The following TAB2 variants were observed in gnomAD, a reference collection of about 807,000 sequenced individuals.
The protein encoded by TAB2 is TGF-beta-activated kinase 1 and MAP3K7-binding protein 2.
In TAB2, 3 loss-of-function variants were observed where a neutral mutation model predicts 65.0. That is an observed-to-expected ratio of 0.05 (90% CI 0.02 to 0.12). TAB2 has a LOEUF of 0.12. TAB2 is among the 10% of genes least tolerant of loss of function. The probability of loss-of-function intolerance (pLI) is 1.00; values close to 1 mark genes in which losing one functional copy is unlikely to be tolerated. For missense variants in TAB2, 623 were observed against 840.3 expected, an observed-to-expected ratio of 0.74 and a Z score of 3.20; for synonymous variants, 298 against 285.1, an observed-to-expected ratio of 1.05 and a Z score of -0.46.
intron 1 of TAB2, among the ~76,000 whole-genome samples, chr6:149,292,669 G>A (rs1778799029): frequency 6.6e-6 from 1 of 152,030 alleles, no homozygotes; most frequent in Non-Finnish European, 1.5e-5. Flanking sequence ...TCATAAAGAT[G>A]ACATATGTCA....
intron 1 of TAB2, among the ~76,000 whole-genome samples, chr6:149,275,237 A>AGAGAAAGAAAGAAAGC (rs1491494087): frequency 1.8e-5 from 1 of 54,078 alleles, no homozygotes; most frequent in Non-Finnish European, 4.3e-5. Flanking sequence ...AGAGAGAGAG[A>AGAGAAAGAAAGAAAGC]AAGAAAGAAA....
chr6:149,357,419 G>GAAAAAAAAAAA lies in TAB2; in HGVS notation c.-89-12489_-89-12488insAAAAAAAAAAA, dbSNP rs1490716055. The stretch of plus-strand genomic sequence containing the variant: ...CAATAGAGGGAGACTCCGTCTCAAG[G>GAAAAAAAAAAA]AGAAAAAAAAAACACACACACACAC... On this transcript the variant is annotated intron_variant, in intron 1 of 6. Transcript: ENST00000637181. Among the ~76,000 whole-genome samples, 67 of 91,846 alleles carry GAAAAAAAAAAA rather than the reference G, an allele frequency of 7.3e-4. 1 individual carries two copies. Among genetic ancestry groups the GAAAAAAAAAAA allele is most frequent in the African/African-American group, 3.4e-3 (65 of 19,154 alleles). The allele number at this position is 91,846 out of a possible 152,430, so 60.3% of individuals were successfully genotyped here.
intron 1 of TAB2, among the ~76,000 whole-genome samples, chr6:149,330,114 A>G (rs1010255594): frequency 2.0e-5 from 3 of 151,678 alleles, no homozygotes; most frequent in Admixed American, 1.3e-4. Context: ...TTCACCCAGT[A>G]TAATCCCCTT....
intron 2 of TAB2, among the ~76,000 whole-genome samples, chr6:149,375,190 T>C (rs1346653890): frequency 6.6e-6 from 1 of 152,186 alleles, no homozygotes; most frequent in Non-Finnish European, 1.5e-5. Context: ...GGGGAGTAGC[T>C]GAGGCATATA....
chr6:149,398,689 A>G (rs527276714), intron 5 of TAB2, among the ~76,000 whole-genome samples: 2 of 152,188 alleles, frequency 1.3e-5, no homozygotes, highest in Non-Finnish European at 2.9e-5. Context: ...GTAAAATTTT[A>G]ACCATTCTAT....
At chr6:149,327,956 A>G (rs1252735267) in intron 1 of TAB2, among the ~76,000 whole-genome samples, 3 of 152,194 alleles carry the variant, frequency 2.0e-5, no homozygotes, top group Admixed American at 6.5e-5. Context: ...TTTTCCCCTC[A>G]TGAACATTGC....
intron 2 of TAB2, among the ~76,000 whole-genome samples, chr6:149,375,060 T>C (rs903977574): frequency 6.6e-6 from 1 of 152,238 alleles, no homozygotes; most frequent in Non-Finnish European, 1.5e-5. Context: ...AAGAATTGAT[T>C]ATTTTAAGGT....
intron 1 of TAB2, among the ~76,000 whole-genome samples, chr6:149,330,070 G>A (rs569730): frequency 0.87 from 131,651 of 151,922 alleles, 57,160 homozygotes; most frequent in Middle Eastern, 0.97. Context: ...TAAATCGTAC[G>A]TGATGTTACC....
At chr6:149,329,817 T>A (rs1394048346) in intron 1 of TAB2, among the ~76,000 whole-genome samples, 1 of 152,180 alleles carries the variant, frequency 6.6e-6, no homozygotes, top group Non-Finnish European at 1.5e-5. Context: ...AAATCTAATT[T>A]GTATTTTCCC....
At chr6:149,244,914 G>A (rs1777679455) in intron 1 of TAB2, 1 of 151,808 alleles carries the variant, frequency 6.6e-6, no homozygotes, top group African/African-American at 2.4e-5. Context: ...TATGGCAGAT[G>A]CTGCTGCCAT....
intron 1 of TAB2, among the ~76,000 whole-genome samples, chr6:149,339,601 ATTTAT>A (rs1780047542): frequency 7.9e-5 from 2 of 25,454 alleles, no homozygotes; most frequent in Non-Finnish European, 1.3e-4. Context: ...TTATTTATTT[ATTTAT>A]TTTTTTTTTT....
chr6:149,306,457 G>A (rs1160819287), intron 1 of TAB2, among the ~76,000 whole-genome samples: 1 of 150,964 alleles, frequency 6.6e-6, no homozygotes, highest in Non-Finnish European at 1.5e-5. Context: ...GGCTGAGGCA[G>A]AAGAATGGCC....
At chr6:149,301,654 T>G (rs901272563) in intron 1 of TAB2, among the ~76,000 whole-genome samples, 1 of 152,238 alleles carries the variant, frequency 6.6e-6, no homozygotes, top group Non-Finnish European at 1.5e-5. Context: ...TGTTTCATAC[T>G]ACAAGAACTG....
chr6:149,271,163 G>T (rs1352849722), intron 1 of TAB2, among the ~76,000 whole-genome samples: 1 of 151,866 alleles, frequency 6.6e-6, no homozygotes, highest in Non-Finnish European at 1.5e-5. Context: ...AGCTATGATT[G>T]CCCCACTGTA....
At chr6:149,398,938 T>G (rs978906049) in intron 5 of TAB2, among the ~76,000 whole-genome samples, 166 bp from the exon 6 acceptor site, 1 of 152,150 alleles carries the variant, frequency 6.6e-6, no homozygotes, top group Non-Finnish European at 1.5e-5. Flanking sequence ...GATAATATAT[T>G]TGAAATATGT....
chr6:149,409,548 T>G (rs756987290), intron 6 of TAB2, 29 bp from the exon 7 acceptor site: 1 of 1,602,890 alleles, frequency 6.2e-7, no homozygotes, highest in East Asian at 2.2e-5. Context: ...GATTTTTTAC[T>G]TATAAAATAA....
At chr6:149,259,580 C>T (rs990004361) in intron 1 of TAB2, among the ~76,000 whole-genome samples, 5 of 152,204 alleles carry the variant, frequency 3.3e-5, no homozygotes, top group African/African-American at 1.2e-4. Context: ...TCAGAACTGG[C>T]ATTTAGCATT....
chr6:149,249,510 G>A (rs1777814919), intron 1 of TAB2, among the ~76,000 whole-genome samples: 1 of 151,082 alleles, frequency 6.6e-6, no homozygotes, highest in Non-Finnish European at 1.5e-5. Context: ...CTCTATCTCT[G>A]TCTCTTTCTC....
chr6:149,294,285 C>T (rs1029996168), intron 1 of TAB2, among the ~76,000 whole-genome samples: 6 of 152,204 alleles, frequency 3.9e-5, no homozygotes, highest in Admixed American at 2.0e-4. Context: ...CCTTCCTTGG[C>T]TTGTAGATGG....
Sources: allele counts gnomAD v4.1 joint callset (sites outside exome capture counted in the v4.1 genomes callset), GRCh38; gene constraint gnomAD v4.1.1; transcripts MANE v1.5; gene names NCBI Gene and HGNC (gene_info 2026-07-23, HGNC 2026-07-21).